PCED1B: variants seen among roughly 807,000 people sequenced by gnomAD.
The protein encoded by PCED1B is PC-esterase domain containing 1B, also known as PC-esterase domain-containing protein 1B.
For missense variants in PCED1B, 573 were observed against 573.9 expected, an observed-to-expected ratio of 1.00 and a Z score of 0.02; for synonymous variants, 251 against 246.1, an observed-to-expected ratio of 1.02 and a Z score of -0.19.
chr12:47,097,219 T>C (rs1449722918), intron 1 of PCED1B, among the ~76,000 whole-genome samples: 1 of 152,190 alleles, frequency 6.6e-6, no homozygotes, highest in African/African-American at 2.4e-5. Context: ...CAGAAATACC[T>C]AAAATAACTC....
chr12:47,101,076 G>C (rs200683634), intron 1 of PCED1B, among the ~76,000 whole-genome samples: 1 of 149,732 alleles, frequency 6.7e-6, no homozygotes, highest in African/African-American at 2.5e-5. Context: ...CTCAAAAAAA[G>C]AAAAAAAAAA....
At chr12:47,217,514 A>G (rs369732455) in intron 3 of PCED1B, among the ~76,000 whole-genome samples, 49 of 75,482 alleles carry the variant, frequency 6.5e-4, no homozygotes, top group African/African-American at 3.6e-3. Flanking sequence ...GAAAGAAAGA[A>G]AGAAGAAAGA....
chr12:47,116,379 C>T (rs1292219902), intron 2 of PCED1B, among the ~76,000 whole-genome samples: 1 of 152,052 alleles, frequency 6.6e-6, no homozygotes, highest in Non-Finnish European at 1.5e-5. Context: ...TTCTAGGTCA[C>T]AGTATGGGAA....
chr12:47,231,179 A>G (rs1943794481), intron 3 of PCED1B, among the ~76,000 whole-genome samples: 1 of 152,208 alleles, frequency 6.6e-6, no homozygotes, highest in South Asian at 2.1e-4. Flanking sequence ...GAACCAAATT[A>G]ATGCAAGACA....
chr12:47,156,884 A>G (rs1419377523), intron 2 of PCED1B, among the ~76,000 whole-genome samples: 1 of 152,074 alleles, frequency 6.6e-6, no homozygotes, highest in African/African-American at 2.4e-5. Context: ...GACCTCTCTA[A>G]GCCTCAGCTT....
At chr12:47,119,948 A>C (rs964044968) in intron 2 of PCED1B, among the ~76,000 whole-genome samples, 1 of 148,688 alleles carries the variant, frequency 6.7e-6, no homozygotes, top group Non-Finnish European at 1.5e-5. Context: ...CCTGGGGGAC[A>C]GAGTGAGACT....
At chr12:47,086,838 TGAA>T (rs559880532) in intron 1 of PCED1B, among the ~76,000 whole-genome samples, 21 of 152,324 alleles carry the variant, frequency 1.4e-4, no homozygotes, top group Non-Finnish European at 2.1e-4. Context: ...GAGAACTATA[TGAA>T]GCATTCAGAG....
chr12:47,119,265 T>C (rs1442435169), intron 2 of PCED1B, among the ~76,000 whole-genome samples: 1 of 152,052 alleles, frequency 6.6e-6, no homozygotes, highest in African/African-American at 2.4e-5. Context: ...GGCCTAAACT[T>C]AAGAGCTAAA....
chr12:47,086,643 A>C (rs910855161), intron 1 of PCED1B, among the ~76,000 whole-genome samples: 1 of 152,234 alleles, frequency 6.6e-6, no homozygotes, highest in African/African-American at 2.4e-5. Context: ...AAAACTATGC[A>C]TCTAGAATTA....
At chr12:47,082,024 G>T (rs1382171979) in intron 1 of PCED1B, among the ~76,000 whole-genome samples, 1 of 152,170 alleles carries the variant, frequency 6.6e-6, no homozygotes, top group African/African-American at 2.4e-5. Context: ...TTTGTGAAAG[G>T]GAAGAACGTT....
chr12:47,200,698 C>A (rs1475111429), intron 2 of PCED1B, among the ~76,000 whole-genome samples: 6 of 152,222 alleles, frequency 3.9e-5, no homozygotes, highest in Admixed American at 3.9e-4. Flanking sequence ...CAAAACTTGG[C>A]AGCAAATGCC....
Position 47,079,645 on chromosome 12 carries a change from AGCAGCAGCCCTGGAC to A in PCED1B, c.-679_-665del, listed in dbSNP as rs1212412184. The stretch of plus-strand genomic sequence containing the variant: ...AGGAGTTTCAAGCAGCCGCGGCGGC[AGCAGCAGCCCTGGAC>A]GCAGCAGCCAAGCTCTTCGCTGGCT... On this transcript the variant is annotated 5_prime_UTR_variant, in exon 1 of 4. Transcript: ENST00000546455. The A allele has an allele frequency of 6.5e-6, 1 of 152,726 alleles. No individual in the cohort carries two copies. The allele number at this position is 152,726 out of a possible 1,614,324, so 9.5% of individuals were successfully genotyped here. A position where few individuals can be genotyped will look rare whatever the true frequency, so the allele number is the denominator to read the frequency against.
chr12:47,218,885 A>G (rs1008572909), intron 3 of PCED1B, among the ~76,000 whole-genome samples: 2 of 152,086 alleles, frequency 1.3e-5, no homozygotes, highest in African/African-American at 4.8e-5. Context: ...TCAGGCCTGT[A>G]ATCCCAGCAC....
chr12:47,112,487 G>A (rs1396792987), intron 2 of PCED1B, among the ~76,000 whole-genome samples: 1 of 152,188 alleles, frequency 6.6e-6, no homozygotes, highest in Non-Finnish European at 1.5e-5. Flanking sequence ...GTTAGTGGAG[G>A]AAATGAAGCA....
At chr12:47,092,047 G>A (rs988301428) in intron 1 of PCED1B, among the ~76,000 whole-genome samples, 1 of 151,998 alleles carries the variant, frequency 6.6e-6, no homozygotes, top group Non-Finnish European at 1.5e-5. Context: ...TGAATTTTAG[G>A]AAAACTTGTC....
chr12:47,219,554 A>G (rs1341492157), intron 3 of PCED1B, among the ~76,000 whole-genome samples: 1 of 152,208 alleles, frequency 6.6e-6, no homozygotes, highest in Non-Finnish European at 1.5e-5. Flanking sequence ...GTTGGAATCT[A>G]GAGTAGTCAG....
intron 2 of PCED1B, among the ~76,000 whole-genome samples, chr12:47,129,098 T>C (rs1940012468): frequency 6.6e-6 from 1 of 152,230 alleles, no homozygotes; most frequent in Non-Finnish European, 1.5e-5. Context: ...TCAAATTCTC[T>C]TTGCCTACCA....
At chr12:47,179,211 C>T (rs1297848647) in intron 2 of PCED1B, among the ~76,000 whole-genome samples, 1 of 152,174 alleles carries the variant, frequency 6.6e-6, no homozygotes, top group African/African-American at 2.4e-5. Context: ...CTGAAAGGCT[C>T]ATACAAGACC....
chr12:47,190,897 G>A (rs1942421063), intron 2 of PCED1B, among the ~76,000 whole-genome samples: 1 of 152,198 alleles, frequency 6.6e-6, no homozygotes, highest in African/African-American at 2.4e-5. Context: ...ATTCTCTGAT[G>A]ATGAAAGCTG....
Sources: allele counts gnomAD v4.1 joint callset (sites outside exome capture counted in the v4.1 genomes callset), GRCh38; gene constraint gnomAD v4.1.1; transcripts MANE v1.5; gene names NCBI Gene and HGNC (gene_info 2026-07-23, HGNC 2026-07-21).